DOK6: variants seen among roughly 807,000 people sequenced by gnomAD.
DOK6 encodes docking protein 6.
Under a neutral mutation model 44.0 loss-of-function variants are expected in DOK6, and 22 were observed. The observed-to-expected ratio is 0.50, with a 90% CI of 0.36 to 0.71. The LOEUF is 0.71. DOK6 is among the 30% of genes least tolerant of loss of function. DOK6 has a pLI of 0.00. For synonymous variants in DOK6, 166 were observed against 145.5 expected (o/e 1.14, Z -1.01); for missense variants, 340 against 416.4 (o/e 0.82, Z 1.60).
At chr18:69,672,259 C>T (rs1985814807) in intron 3 of DOK6, among the ~76,000 whole-genome samples, 1 of 152,250 alleles carries the variant, frequency 6.6e-6, no homozygotes. Flanking sequence ...ACAAATCTGA[C>T]TTCAACAGAA....
intron 2 of DOK6, among the ~76,000 whole-genome samples, chr18:69,577,830 A>G (rs1406954890): frequency 6.6e-6 from 1 of 152,182 alleles, no homozygotes; most frequent in Admixed American, 6.5e-5. Context: ...GATTTTTGTA[A>G]TAGTTGAATT....
At chr18:69,690,672 A>T (rs1353691058) in intron 4 of DOK6, among the ~76,000 whole-genome samples, 1 of 152,212 alleles carries the variant, frequency 6.6e-6, no homozygotes, top group African/African-American at 2.4e-5. Flanking sequence ...CAGACTGTTT[A>T]AACAATGGGA....
At chr18:69,823,464 C>G (rs1448296073) in intron 7 of DOK6, among the ~76,000 whole-genome samples, 1 of 152,060 alleles carries the variant, frequency 6.6e-6, no homozygotes, top group Non-Finnish European at 1.5e-5. Context: ...AAGAAAGAAG[C>G]CCATGCCACA....
chr18:69,739,140 A>G, intron 6 of DOK6, 37 bp downstream of exon 6: 1 of 1,610,642 alleles, frequency 6.2e-7, no homozygotes, highest in Non-Finnish European at 8.5e-7. Flanking sequence ...CAGCTTGGAA[A>G]TGAATGTCAC....
chr18:69,559,978 C>T (rs1982788101), intron 1 of DOK6, among the ~76,000 whole-genome samples: 1 of 152,128 alleles, frequency 6.6e-6, no homozygotes, highest in South Asian at 2.1e-4. Context: ...AAGGCCCCAT[C>T]TCCAAATACT....
intron 7 of DOK6, among the ~76,000 whole-genome samples, chr18:69,760,165 G>A (rs929328235): frequency 6.6e-5 from 10 of 152,180 alleles, no homozygotes; most frequent in Admixed American, 2.6e-4. Flanking sequence ...GGTTGTGATA[G>A]TCAAAACAAG....
chr18:69,705,972 G>A (rs948849890), intron 5 of DOK6, among the ~76,000 whole-genome samples: 2 of 151,100 alleles, frequency 1.3e-5, no homozygotes, highest in Non-Finnish European at 2.9e-5. Flanking sequence ...GACAGAGGGA[G>A]AATACCACCC....
Position 69,434,879 on chromosome 18 carries a change from G to A in DOK6, c.66+33569G>A, listed in dbSNP as rs183020624. Among the ~76,000 whole-genome samples the A allele has an allele frequency of 2.8e-3, 386 of 140,212 alleles. 1 individual carries two copies. The highest frequency in any genetic ancestry group is 3.8e-3 in the Non-Finnish European group (250 of 65,788). 92.0% of individuals were successfully genotyped at this position (140,212 alleles called of 152,430 possible). On this transcript the variant is annotated intron_variant, in intron 1 of 7. Transcript: ENST00000382713. The stretch of plus-strand genomic sequence containing the variant: ...GGAGGTTGCAATGAGCCGTGATCAC[G>A]CCACTGCACTCCAGTCTGGCGACAG...
intron 7 of DOK6, among the ~76,000 whole-genome samples, chr18:69,821,630 T>G (rs904326440): frequency 2.0e-5 from 3 of 152,158 alleles, no homozygotes; most frequent in African/African-American, 7.2e-5. Context: ...TTCACTCTTT[T>G]TAACAATGGC....
chr18:69,620,218 T>G (rs1984408658), intron 3 of DOK6, among the ~76,000 whole-genome samples: 1 of 152,208 alleles, frequency 6.6e-6, no homozygotes, highest in South Asian at 2.1e-4. Context: ...TTTAAATTGC[T>G]TTGCATTTTC....
chr18:69,467,324 G>A (rs1599144531), intron 1 of DOK6, among the ~76,000 whole-genome samples: 1 of 152,072 alleles, frequency 6.6e-6, no homozygotes, highest in Admixed American at 6.5e-5. Context: ...AAAGATGAAT[G>A]GAATAAAAAA....
intron 4 of DOK6, among the ~76,000 whole-genome samples, chr18:69,685,917 C>T (rs1986142936): frequency 6.6e-6 from 1 of 152,104 alleles, no homozygotes; most frequent in Non-Finnish European, 1.5e-5. Context: ...TGTTAAACCT[C>T]TTTTCTGTAT....
At chr18:69,643,189 G>A (rs1052563213) in intron 3 of DOK6, among the ~76,000 whole-genome samples, 1 of 152,162 alleles carries the variant, frequency 6.6e-6, no homozygotes, top group African/African-American at 2.4e-5. Context: ...AGAGCCCAAC[G>A]GTAATGTTTT....
chr18:69,710,499 G>A (rs572489261), intron 5 of DOK6, among the ~76,000 whole-genome samples: 20 of 152,268 alleles, frequency 1.3e-4, no homozygotes, highest in Admixed American at 2.6e-4. Context: ...TTGCTAATAC[G>A]TCTCAGGTTT....
At position 69,747,815 on chromosome 18, in the gene DOK6, G is replaced by A. The variant is rs1402855918; in HGVS notation, c.738+8712G>A. On this transcript the variant is annotated intron_variant, in intron 6 of 7. Transcript: ENST00000382713. ...TGACTTGTCCACATAGTTACTTGAA[G>A]CTTCCTCACTCCGTAGCAGTCTTAC... Among the ~76,000 whole-genome samples the A allele has an allele frequency of 2.0e-5, 3 of 152,204 alleles. 1 individual carries two copies. The highest frequency in any genetic ancestry group is 4.1e-4 in the South Asian group (2 of 4,828).
At chr18:69,711,158 T>C (rs1012631316) in intron 5 of DOK6, among the ~76,000 whole-genome samples, 11 of 152,204 alleles carry the variant, frequency 7.2e-5, no homozygotes, top group African/African-American at 2.4e-4. Context: ...ATTCATATCA[T>C]TAGAGGAGCA....
At chr18:69,617,817 G>T (rs1220584474) in intron 3 of DOK6, among the ~76,000 whole-genome samples, 1 of 152,040 alleles carries the variant, frequency 6.6e-6, no homozygotes, top group Non-Finnish European at 1.5e-5. Flanking sequence ...AGGATAAAAA[G>T]AATTTGTAGT....
intron 6 of DOK6, among the ~76,000 whole-genome samples, chr18:69,746,697 A>C (rs1978997020): frequency 6.6e-6 from 1 of 152,232 alleles, no homozygotes; most frequent in Admixed American, 6.5e-5. Flanking sequence ...TCTGGTACAG[A>C]CCTAGCATGG....
chr18:69,468,071 T>C (rs529489631), intron 1 of DOK6, among the ~76,000 whole-genome samples: 1 of 152,310 alleles, frequency 6.6e-6, no homozygotes, highest in Admixed American at 6.5e-5. Context: ...TCATTATTAA[T>C]TCGTCATTTA....
Sources: allele counts gnomAD v4.1 joint callset (sites outside exome capture counted in the v4.1 genomes callset), GRCh38; gene constraint gnomAD v4.1.1; transcripts MANE v1.5; gene names NCBI Gene and HGNC (gene_info 2026-07-23, HGNC 2026-07-21).